The following CCDC170 variants were observed in gnomAD, a reference collection of about 807,000 sequenced individuals.
CCDC170 encodes the protein coiled-coil domain containing 170.
A neutral mutation model predicts 72.6 loss-of-function variants in CCDC170; 69 were observed. That is an observed-to-expected ratio of 0.95 (90% CI 0.78 to 1.16). CCDC170 has a LOEUF of 1.16. Ranked by LOEUF, CCDC170 falls within the 50% of genes most tolerant of loss-of-function variation. The probability of loss-of-function intolerance (pLI) is 0.00; values close to 1 mark genes in which losing one functional copy is unlikely to be tolerated. For synonymous variants in CCDC170, 300 were observed against 303.9 expected (o/e 0.99, Z 0.13); for missense variants, 852 against 832.5 (o/e 1.02, Z -0.29).
intron 1 of CCDC170, among the ~76,000 whole-genome samples, chr6:151,503,743 G>A (rs1051293912): frequency 2.1e-4 from 32 of 152,184 alleles, no homozygotes; most frequent in Middle Eastern, 3.4e-3. Context: ...GTGAGCCACC[G>A]CGCCCAGCAA....
rs1207301455 is a variant in CCDC170 at position 151,601,955 on chromosome 6, T to C, written c.1710+5378T>C. Among the ~76,000 whole-genome samples, 4 of 152,250 alleles carry C rather than the reference T, an allele frequency of 2.6e-5. No homozygotes were observed. In the East Asian group the frequency reaches 7.7e-4, roughly 29 times the overall value. On this transcript the variant is annotated intron_variant, in intron 9 of 10. Transcript: ENST00000239374. ...TGAGGAATATTTCATTGTATGGATA[T>C]ACCACATTTTGGTTGTCCATTCAGC... is the stretch of plus-strand genomic sequence containing the variant.
rs564113368 is a variant in CCDC170 at position 151,610,555 on chromosome 6, A to G, written c.1711-4888A>G. On this transcript the variant is annotated intron_variant, in intron 9 of 10. Coordinates refer to ENST00000239374, the MANE Select transcript of CCDC170 (RefSeq NM_025059.4). ...TCACCCCTCAAATATTTTCCCACGT[A>G]TCACTTAAGAACAAGGGCATTCATT... is the stretch of plus-strand genomic sequence containing the variant. Among the ~76,000 whole-genome samples the G allele has an allele frequency of 4.0e-3, 610 of 152,348 alleles. 9 individuals carry two copies. The highest frequency in any genetic ancestry group is 5.5e-3 in the Non-Finnish European group (371 of 68,030).
intron 1 of CCDC170, among the ~76,000 whole-genome samples, chr6:151,535,144 G>A (rs1409255575): frequency 2.0e-5 from 3 of 152,208 alleles, no homozygotes; most frequent in Admixed American, 6.5e-5. Context: ...TGATTCATAT[G>A]TGTTTCTTTT....
At chr6:151,555,264 T>C (rs183250562) in intron 5 of CCDC170, among the ~76,000 whole-genome samples, 34 of 152,248 alleles carry the variant, frequency 2.2e-4, no homozygotes, top group African/African-American at 7.2e-4. Context: ...AAAATATACA[T>C]AAAATACTTA....
chr6:151,549,600 A>G (rs755047986), intron 5 of CCDC170, among the ~76,000 whole-genome samples: 5 of 151,088 alleles, frequency 3.3e-5, no homozygotes, highest in Non-Finnish European at 7.4e-5. Context: ...TCTTTAAAAA[A>G]TTTATTTGTA....
intron 1 of CCDC170, among the ~76,000 whole-genome samples, chr6:151,501,449 G>A (rs1781993711): frequency 6.6e-6 from 1 of 152,164 alleles, no homozygotes; most frequent in Non-Finnish European, 1.5e-5. Flanking sequence ...GCTGGCTAGA[G>A]GGCATATAGA....
At position 151,597,603 on chromosome 6, in the gene CCDC170, C is replaced by T. The variant is rs1429494074; in HGVS notation, c.1710+1026C>T. 2.0e-5 allele frequency among the ~76,000 whole-genome samples: 3 copies of T among 152,190 alleles called. 1 individual carries two copies. Among genetic ancestry groups the T allele is most frequent in the South Asian group, 4.1e-4 (2 of 4,836 alleles). ...GGCAGGCAAGGGTATTTACGTTGTG[C>T]TCTGTAGGATACATCATTACCAAGT... On this transcript the variant is annotated intron_variant, in intron 9 of 10. Coordinates refer to ENST00000239374, the MANE Select transcript of CCDC170 (RefSeq NM_025059.4).
rs115964192 is a variant in CCDC170 at position 151,499,757 on chromosome 6, A to T, written c.57+5572A>T. ...ATAATGTCCTCAACGTTTCTTCATG[A>T]TGTAACATGTATCAGAATTTCCTTC... On this transcript the variant is annotated intron_variant, in intron 1 of 10. Coordinates refer to ENST00000239374, the MANE Select transcript of CCDC170 (RefSeq NM_025059.4). 6.9e-3 allele frequency among the ~76,000 whole-genome samples: 1,031 copies of T among 149,358 alleles called. 17 individuals carry two copies. Among genetic ancestry groups the T allele is most frequent in the African/African-American group, 0.024 (961 of 40,254 alleles).
chr6:151,525,187 C>CTCCCAA (rs1193437344), intron 1 of CCDC170, among the ~76,000 whole-genome samples: 1 of 152,164 alleles, frequency 6.6e-6, no homozygotes, highest in East Asian at 1.9e-4. Context: ...CTGCCTCGGC[C>CTCCCAA]TCCCAAAGTG....
At chr6:151,554,451 G>T (rs1320635701) in intron 5 of CCDC170, among the ~76,000 whole-genome samples, 2 of 152,144 alleles carry the variant, frequency 1.3e-5, no homozygotes, top group African/African-American at 2.4e-5. Flanking sequence ...CAGGCCAGGT[G>T]CAGTGGCTCA....
chr6:151,534,387 A>G (rs574508710), intron 1 of CCDC170, among the ~76,000 whole-genome samples: 1 of 152,194 alleles, frequency 6.6e-6, no homozygotes, highest in African/African-American at 2.4e-5. Flanking sequence ...AAAAGATGTT[A>G]GTCATTGAAA....
At chr6:151,575,431 CAAAAA>C (rs537055596) in intron 6 of CCDC170, among the ~76,000 whole-genome samples, 1 of 91,748 alleles carries the variant, frequency 1.1e-5, no homozygotes. Context: ...AGACTCTGTC[CAAAAA>C]AAAAAAAAAA....
rs374379791 is a variant in CCDC170 at position 151,507,297 on chromosome 6, A to AT, written c.57+13120dup. ...TTAAGGATCCATGAGAATGTTCTAT[A>AT]TTTTTTTTAATCAGTAGAGAAAAAA... On this transcript the variant is annotated intron_variant, in intron 1 of 10. Coordinates refer to ENST00000239374, the MANE Select transcript of CCDC170 (RefSeq NM_025059.4). 2.3e-3 allele frequency among the ~76,000 whole-genome samples: 347 copies of AT among 151,834 alleles called. 1 individual carries two copies. The highest frequency in any genetic ancestry group is 7.4e-3 in the African/African-American group (307 of 41,380).
intron 1 of CCDC170, among the ~76,000 whole-genome samples, chr6:151,516,373 G>A (rs1050841302): frequency 6.6e-6 from 1 of 152,168 alleles, no homozygotes; most frequent in African/African-American, 2.4e-5. Flanking sequence ...CATTCAGTCA[G>A]TTGGAAGGCT....
At chr6:151,617,833 C>T in intron 10 of CCDC170, 114 bp from the exon 11 acceptor site, 1 of 889,158 alleles carries the variant, frequency 1.1e-6, no homozygotes, top group Non-Finnish European at 1.7e-6. Context: ...TAGATAATTT[C>T]CCTACCTCAT....
At chr6:151,532,771 A>G (rs1447395126) in intron 1 of CCDC170, among the ~76,000 whole-genome samples, 1 of 152,194 alleles carries the variant, frequency 6.6e-6, no homozygotes. Context: ...GGAATTTTCC[A>G]AGAAGATTTT....
intron 5 of CCDC170, among the ~76,000 whole-genome samples, chr6:151,568,752 A>G (rs1776174977): frequency 6.6e-6 from 1 of 152,206 alleles, no homozygotes; most frequent in South Asian, 2.1e-4. Context: ...TCATATTGGT[A>G]TATAAAGAAC....
At chr6:151,613,606 A>G (rs764168964) in intron 9 of CCDC170, among the ~76,000 whole-genome samples, 5 of 152,116 alleles carry the variant, frequency 3.3e-5, no homozygotes, top group Non-Finnish European at 5.9e-5. Context: ...GTTTTTTTGC[A>G]ATTGGCTTCT....
intron 5 of CCDC170, among the ~76,000 whole-genome samples, chr6:151,568,105 GAAAAAAAAAA>G (rs771627857): frequency 2.4e-4 from 9 of 38,270 alleles, no homozygotes; most frequent in Admixed American, 1.4e-3. Flanking sequence ...GTGAGACTCT[GAAAAAAAAAA>G]AAAAAAAAAA....
Sources: gnomAD v4.1 joint callset for allele counts (sites outside exome capture counted in the v4.1 genomes callset) on GRCh38, gnomAD v4.1.1 for gene constraint, MANE v1.5 for transcripts, NCBI Gene and HGNC (gene_info 2026-07-23, HGNC 2026-07-21) for gene names.